Variants in QARS1 observed in about 807,000 individuals in gnomAD.
The protein encoded by QARS1 is glutaminyl-tRNA synthetase 1.
In QARS1, 79 loss-of-function variants were observed where a neutral mutation model predicts 106.9. The ratio of observed to expected loss-of-function variants is 0.74; its 90% CI spans 0.62 to 0.89. The LOEUF is 0.89. Among genes scored for constraint, QARS1 ranks in the 40% least tolerant of loss-of-function variants. The pLI is 0.00. For synonymous variants in QARS1, 395 were observed against 367.7 expected (o/e 1.07, Z -0.85); for missense variants, 966 against 997.2 (o/e 0.97, Z 0.42).
intron 11 of QARS1, 31 bp from the exon 12 acceptor site, chr3:49,100,489 C>T (rs1327839726): frequency 9.9e-6 from 16 of 1,610,520 alleles, no homozygotes; most frequent in Admixed American, 5.0e-5. Flanking sequence ...GTATGAGCAG[C>T]CAGCCACAAA....
chr3:49,100,483 G>A lies in QARS1; in HGVS notation c.977-25C>T, dbSNP rs760888857. On this transcript the variant is annotated intron_variant, in intron 11 of 23. Transcript: ENST00000306125. ...CCTGGGGCAAAATGAAACAAAGTAT[G>A]AGCAGCCAGCCACAAACACCCAGTG... 5 of 1,611,878 alleles carry A rather than the reference G, an allele frequency of 3.1e-6. No individual in the cohort carries two copies. The Admixed American group carries it at 6.7e-5, about 21-fold the overall frequency.
Position 49,103,613 on chromosome 3 carries a change from G to A in QARS1, c.451+18C>T, listed in dbSNP as rs202145473. 8.7e-5 allele frequency: 140 copies of A among 1,611,304 alleles called. 1 individual carries two copies. In the Middle Eastern group the frequency reaches 0.011, roughly 121 times the overall value. ...TGACCAGAGAGAACAATATAGCCCC[G>A]TTCCAGGCCCTGCTCACCCATCAGC... On this transcript the variant is annotated intron_variant, in intron 4 of 23. Transcript: ENST00000306125.
Position 49,100,105 on chromosome 3 carries a change from G to A in QARS1, c.1165-14C>T. On this transcript the variant is annotated splice_polypyrimidine_tract_variant and intron_variant, in intron 13 of 23. Transcript: ENST00000306125. ...CTTGCGCATTGCCTGAGGGGAACAA[G>A]GACTCAGGCTGTCTCTAAGCACAGG... 2.5e-6 allele frequency: 4 copies of A among 1,614,234 alleles called. No homozygotes were observed. The highest frequency in any genetic ancestry group is 3.4e-6 in the Non-Finnish European group (4 of 1,180,044).
chr3:49,096,920 G>A (rs2042400557), intron 23 of QARS1, among the ~76,000 whole-genome samples: 1 of 150,874 alleles, frequency 6.6e-6, no homozygotes, highest in South Asian at 2.1e-4. Flanking sequence ...GGGAGGCGGA[G>A]GTTGCAGTGG....
intron 22 of QARS1, 37 bp from the exon 23 acceptor site, chr3:49,098,154 G>A (rs1049018936): frequency 6.2e-7 from 1 of 1,613,444 alleles, no homozygotes; most frequent in Non-Finnish European, 8.5e-7. Context: ...TCCAACCAGG[G>A]AGGCCTACCT....
Position 49,101,667 on chromosome 3 carries a change from G to A in QARS1, c.742C>T (p.His248Tyr), listed in dbSNP as rs576857090. Residue 248 changes from histidine (H) to tyrosine (Y), a missense_variant, in exon 9 of 24, where the codon CAC (histidine) becomes TAC (tyrosine). By Grantham distance (83) the His-to-Tyr change is moderately conservative. Coordinates refer to ENST00000306125, the MANE Select transcript of QARS1 (RefSeq NM_005051.3). ...YKTPGYVVTP[H>Y]TMNLLKQHLE... ...TGCTGCTTTAGTAGATTCATGGTGT[G>A]TGGAGTGACCACATAGCCTGGGGTC... 1 of 1,614,054 alleles carries A rather than the reference G, an allele frequency of 6.2e-7. No individual in the cohort carries two copies. Among genetic ancestry groups the A allele is most frequent in the East Asian group, 2.2e-5 (1 of 44,872 alleles).
chr3:49,103,205 G>A (rs928872621), intron 5 of QARS1, 140 bp downstream of exon 5: 3 of 846,336 alleles, frequency 3.5e-6, no homozygotes, highest in Non-Finnish European at 5.8e-6. Flanking sequence ...TAATCCTCCT[G>A]CCTCAGCCTC....
At chr3:49,103,598 GAAC>G (rs765539040) in intron 4 of QARS1, 30 bp downstream of exon 4, 45 of 1,605,932 alleles carry the variant, frequency 2.8e-5, no homozygotes, top group African/African-American at 5.4e-5. Flanking sequence ...TGACCAGAGA[GAAC>G]AATATAGCCC....
At chr3:49,096,372 AAGAC>A (rs1486851331) in intron 23 of QARS1, among the ~76,000 whole-genome samples, 2 of 152,178 alleles carry the variant, frequency 1.3e-5, no homozygotes, top group Non-Finnish European at 2.9e-5. Flanking sequence ...AGGAGTAAGA[AAGAC>A]AGGGTGGGCT....
rs1448265214 is a variant in QARS1, at chr3:49,099,659, G to A, written c.1389-12C>T. ...AGTAGGAAGAGCGTCTGGGGTGGGA[G>A]AGTAGGGTTAGCACTGGCCAGCTCT... is the stretch of plus-strand genomic sequence containing the variant. On this transcript the variant is annotated splice_polypyrimidine_tract_variant and intron_variant, in intron 15 of 23. Coordinates refer to ENST00000306125, the MANE Select transcript of QARS1 (RefSeq NM_005051.3). 6.2e-7 allele frequency: 1 copy of A among 1,612,066 alleles called. No individual in the cohort carries two copies. The highest frequency in any genetic ancestry group is 1.1e-5 in the South Asian group (1 of 90,980).
chr3:49,104,286 G>C, intron 2 of QARS1, 38 bp downstream of exon 2: 1 of 1,610,280 alleles, frequency 6.2e-7, no homozygotes, highest in Non-Finnish European at 8.5e-7. Context: ...CTGAAGGGAG[G>C]CATTGGTGCG....
chr3:49,097,866 G>GA (rs747363330), intron 23 of QARS1, 126 bp downstream of exon 23: 371 of 1,358,174 alleles, frequency 2.7e-4, no homozygotes, highest in Non-Finnish European at 3.5e-4. Context: ...CTCACTAGTA[G>GA]AATATGAATA....
chr3:49,095,935 A>C lies in QARS1; in HGVS notation c.*94T>G. On this transcript the variant is annotated 3_prime_UTR_variant, in exon 24 of 24. Transcript: ENST00000306125. ...AGTGCAGAGATAACACACAGACTCTAGGAGAATTTAGCTGTTCTTTATTGA... is the reference window on the plus strand; with the variant it reads ...AGTGCAGAGATAACACACAGACTCTCGGAGAATTTAGCTGTTCTTTATTGA... 200 of 1,168,322 alleles carry C rather than the reference A, an allele frequency of 1.7e-4. No homozygotes were observed. Among genetic ancestry groups the C allele is most frequent in the Non-Finnish European group, 2.3e-4 (185 of 797,950 alleles). 72.4% of individuals were successfully genotyped at this position (1,168,322 alleles called of 1,614,324 possible). A position where few individuals can be genotyped will look rare whatever the true frequency, so the allele number is the denominator to read the frequency against.
intron 12 of QARS1, 25 bp downstream of exon 12, chr3:49,100,355 C>T (rs2042453068): frequency 4.3e-6 from 7 of 1,614,074 alleles, no homozygotes; most frequent in Non-Finnish European, 5.9e-6. Flanking sequence ...GTCTGCCTGG[C>T]TCTACGTCAT....
Position 49,098,684 on chromosome 3 carries a change from C to A in QARS1, c.1872G>T (p.Glu624Asp), listed in dbSNP as rs537960607. The change falls in exon 20 of 24, where the codon GAG becomes GAT. Residue 624 changes from glutamate (E) to aspartate (D), a missense_variant. By Grantham distance (45) the Glu-to-Asp change is conservative (BLOSUM62 2). Transcript: ENST00000306125. The stretch of plus-strand genomic sequence containing the variant: ...CCCAAGCCAGGCGCTTAAATCCTGG[C>A]TCTGGCTCCTAGAGATAGGAAGTGG... Reference protein sequence around the residue: ...IERTDFKEEPEPGFKRLAWGQ... With the variant: ...IERTDFKEEPDPGFKRLAWGQ... 1 of 1,597,168 alleles carries A rather than the reference C, an allele frequency of 6.3e-7. No individual in the cohort carries two copies. Among genetic ancestry groups the A allele is most frequent in the Admixed American group, 1.8e-5 (1 of 56,584 alleles).
rs1347552948 is a variant in QARS1 at position 49,100,400 on chromosome 3, C to T, written c.1035G>A (p.Trp345Ter). 6.2e-7 allele frequency: 1 copy of T among 1,614,246 alleles called. No individual in the cohort carries two copies. Among genetic ancestry groups the T allele is most frequent in the African/African-American group, 1.3e-5 (1 of 75,060 alleles). Reference protein sequence around the residue: ...ASDYFDQLYAWAVELIRRGLA... With the variant: ...ASDYFDQLYA The stretch of plus-strand genomic sequence containing the variant: ...CTTACCTGCGGATGAGCTCCACAGC[C>T]CACGCATATAGCTGGTCAAAATAGT... The change falls in exon 12 of 24, where the codon TGG becomes TGA. Residue 345 changes from tryptophan to a stop codon, truncating the protein, a stop_gained. Transcript: ENST00000306125. LOFTEE classifies it high-confidence loss of function.
intron 18 of QARS1, 25 bp downstream of exon 18, chr3:49,099,085 G>A: frequency 1.2e-6 from 2 of 1,614,090 alleles, no homozygotes; most frequent in Non-Finnish European, 1.7e-6. Context: ...ACACACATGT[G>A]ACACACATGT....
At chr3:49,096,171 CCTT>C (rs1410228099) in intron 23 of QARS1, 92 bp from the exon 24 acceptor site, 3 of 1,344,410 alleles carry the variant, frequency 2.2e-6, no homozygotes, top group African/African-American at 1.4e-5. Flanking sequence ...CCCCTAACAT[CCTT>C]CTTAAGCCAA....
chr3:49,097,981 A>C lies in QARS1; in HGVS notation c.2277+11T>G. On this transcript the variant is annotated intron_variant, in intron 23 of 23. Transcript: ENST00000306125. ...TGCTGCAGATGAGGGCAGGTGAGTA[A>C]AGTCAAGCACCTTTCCCTGATGGCT... is the stretch of plus-strand genomic sequence containing the variant. 2 of 1,614,096 alleles carry C rather than the reference A, an allele frequency of 1.2e-6. No individual in the cohort carries two copies. The highest frequency in any genetic ancestry group is 2.2e-5 in the South Asian group (2 of 91,066).
Sources: allele counts gnomAD v4.1 joint callset (sites outside exome capture counted in the v4.1 genomes callset), GRCh38; gene constraint gnomAD v4.1.1; transcripts MANE v1.5; gene names NCBI Gene and HGNC (gene_info 2026-07-23, HGNC 2026-07-21).